The following TMEM132D variants were observed in gnomAD, a reference collection of about 807,000 sequenced individuals.
The protein encoded by TMEM132D is transmembrane protein 132D, also known as mature OL transmembrane protein.
A neutral mutation model predicts 62.3 loss-of-function variants in TMEM132D; 21 were observed. The ratio of observed to expected loss-of-function variants is 0.34; its 90% CI spans 0.24 to 0.49. The LOEUF (loss-of-function observed/expected upper bound fraction) is 0.49. TMEM132D is among the 20% of genes least tolerant of loss of function. The pLI is 0.99. For synonymous variants in TMEM132D, 621 were observed against 575.6 expected (o/e 1.08, Z -1.13); for missense variants, 1,346 against 1,402.8 (o/e 0.96, Z 0.65).
intron 5 of TMEM132D, among the ~76,000 whole-genome samples, chr12:129,130,405 C>A (rs1876341506): frequency 6.6e-6 from 1 of 152,116 alleles, no homozygotes; most frequent in Non-Finnish European, 1.5e-5. Context: ...CTTCCCCCTG[C>A]ATCCCATCCT....
At chr12:129,679,772 A>G (rs1593117282) in intron 2 of TMEM132D, among the ~76,000 whole-genome samples, 1 of 152,018 alleles carries the variant, frequency 6.6e-6, no homozygotes, top group East Asian at 1.9e-4. Context: ...TTAAATTTAT[A>G]TTTTAAAAAA....
rs188365295 is a variant in TMEM132D at position 129,356,812 on chromosome 12, C to T, written c.1116-18995G>A. Among the ~76,000 whole-genome samples, 1,069 of 151,098 alleles carry T rather than the reference C, an allele frequency of 7.1e-3. 18 individuals are homozygous for T. Among genetic ancestry groups the T allele is most frequent in the African/African-American group, 0.025 (1,023 of 41,078 alleles). ...CCTGGGAGGTCAAGGCAGCAGTGAGCTGAGATTGTGCCACTGCACTCCAGC... is the reference window on the plus strand; with the variant it reads ...CCTGGGAGGTCAAGGCAGCAGTGAGTTGAGATTGTGCCACTGCACTCCAGC... On this transcript the variant is annotated intron_variant, in intron 3 of 8. Coordinates refer to ENST00000422113, the MANE Select transcript of TMEM132D (RefSeq NM_133448.3).
chr12:129,604,478 T>G (rs1007634018), intron 2 of TMEM132D, among the ~76,000 whole-genome samples: 2 of 152,202 alleles, frequency 1.3e-5, no homozygotes, highest in Non-Finnish European at 2.9e-5. Context: ...TTTGTGGACA[T>G]AAGTTTTCAA....
At chr12:129,883,012 G>A (rs968370644) in intron 1 of TMEM132D, among the ~76,000 whole-genome samples, 6 of 152,092 alleles carry the variant, frequency 3.9e-5, no homozygotes, top group Middle Eastern at 3.2e-3. Flanking sequence ...ACACCGTTCT[G>A]GGGACCCTGG....
chr12:129,510,217 A>T (rs568933840), intron 3 of TMEM132D, among the ~76,000 whole-genome samples: 8 of 152,258 alleles, frequency 5.3e-5, no homozygotes, highest in Non-Finnish European at 1.2e-4. Flanking sequence ...TTCTCTGATG[A>T]TCAATGATGT....
At chr12:129,481,476 A>AC (rs1208920675) in intron 3 of TMEM132D, among the ~76,000 whole-genome samples, 1 of 146,226 alleles carries the variant, frequency 6.8e-6, no homozygotes, top group Non-Finnish European at 1.5e-5. Context: ...AAAAAAAAAA[A>AC]AAACCCACAA....
At chr12:129,874,423 T>A (rs1318781243) in intron 1 of TMEM132D, among the ~76,000 whole-genome samples, 1 of 151,962 alleles carries the variant, frequency 6.6e-6, no homozygotes, top group Non-Finnish European at 1.5e-5. Flanking sequence ...AAATAAAAAA[T>A]AAAATACATA....
At chr12:129,378,742 A>G (rs186589956) in intron 3 of TMEM132D, among the ~76,000 whole-genome samples, 1 of 152,128 alleles carries the variant, frequency 6.6e-6, no homozygotes, top group Non-Finnish European at 1.5e-5. Context: ...GGCAGAGCTG[A>G]GTGATTTTAA....
chr12:129,441,004 G>A (rs895838585), intron 3 of TMEM132D, among the ~76,000 whole-genome samples: 2 of 152,188 alleles, frequency 1.3e-5, no homozygotes, highest in Non-Finnish European at 2.9e-5. Context: ...CACTTGTCCA[G>A]CTTTGATGAG....
chr12:129,787,010 T>A (rs1271698994), intron 1 of TMEM132D, among the ~76,000 whole-genome samples: 1 of 152,122 alleles, frequency 6.6e-6, no homozygotes, highest in Non-Finnish European at 1.5e-5. Context: ...GATGAGGGGC[T>A]GTGAGGCCAC....
intron 3 of TMEM132D, among the ~76,000 whole-genome samples, chr12:129,421,992 T>C (rs1872337996): frequency 6.6e-6 from 1 of 151,926 alleles, no homozygotes; most frequent in African/African-American, 2.4e-5. Context: ...TTCCTTCTCC[T>C]GTGCCTTCGC....
At chr12:129,294,540 C>T (rs755755050) in intron 4 of TMEM132D, among the ~76,000 whole-genome samples, 2 of 152,154 alleles carry the variant, frequency 1.3e-5, no homozygotes, top group African/African-American at 2.4e-5. Flanking sequence ...TTCCAGAGGG[C>T]TACCTTCAGT....
At chr12:129,374,693 C>G (rs1870732040) in intron 3 of TMEM132D, among the ~76,000 whole-genome samples, 1 of 152,154 alleles carries the variant, frequency 6.6e-6, no homozygotes, top group South Asian at 2.1e-4. Context: ...CAGCATGAGG[C>G]CTTCCACGTG....
At chr12:129,147,318 GTA>G (rs1186285858) in intron 5 of TMEM132D, among the ~76,000 whole-genome samples, 2 of 149,178 alleles carry the variant, frequency 1.3e-5, no homozygotes, top group African/African-American at 5.0e-5. Flanking sequence ...ATGTGTATAT[GTA>G]TATATATACA....
At chr12:129,794,088 C>CT (rs1303892006) in intron 1 of TMEM132D, among the ~76,000 whole-genome samples, 2 of 128,274 alleles carry the variant, frequency 1.6e-5, no homozygotes, top group Non-Finnish European at 3.4e-5. Flanking sequence ...TTTTTTTTTT[C>CT]TTTTTTTTAA....
intron 2 of TMEM132D, among the ~76,000 whole-genome samples, chr12:129,646,858 G>A (rs988238353): frequency 2.0e-5 from 3 of 149,276 alleles, no homozygotes; most frequent in African/African-American, 7.5e-5. Flanking sequence ...ACAGTGCAAT[G>A]GTGCAATCTT....
chr12:129,437,651 T>A (rs1872822399), intron 3 of TMEM132D, among the ~76,000 whole-genome samples: 1 of 152,172 alleles, frequency 6.6e-6, no homozygotes, highest in South Asian at 2.1e-4. Flanking sequence ...TTGGCAGTAC[T>A]AAAGCTAAAC....
intron 1 of TMEM132D, among the ~76,000 whole-genome samples, chr12:129,825,316 G>A (rs1872634702): frequency 6.6e-6 from 1 of 152,036 alleles, no homozygotes. Flanking sequence ...ACTGCGCCCG[G>A]CCCAGTCACT....
chr12:129,249,668 T>C (rs1880214555), intron 4 of TMEM132D, among the ~76,000 whole-genome samples: 1 of 152,182 alleles, frequency 6.6e-6, no homozygotes, highest in Non-Finnish European at 1.5e-5. Context: ...TTTATCCATT[T>C]CCATGTCAGT....
Sources: allele counts gnomAD v4.1 joint callset (sites outside exome capture counted in the v4.1 genomes callset), GRCh38; gene constraint gnomAD v4.1.1; transcripts MANE v1.5; gene names NCBI Gene and HGNC (gene_info 2026-07-23, HGNC 2026-07-21).